The following NCOA1 variants were observed in gnomAD, a reference collection of about 807,000 sequenced individuals.
The protein encoded by NCOA1 is nuclear receptor coactivator 1, also known as Hin-2 protein.
Under a neutral mutation model 150.9 loss-of-function variants are expected in NCOA1, and 35 were observed. That is an observed-to-expected ratio of 0.23 (90% CI 0.18 to 0.31). NCOA1 has a LOEUF of 0.31. Among genes scored for constraint, NCOA1 ranks in the 10% least tolerant of loss-of-function variants. The probability of loss-of-function intolerance (pLI) is 1.00; values close to 1 mark genes in which losing one functional copy is unlikely to be tolerated. For missense variants in NCOA1, 1,491 were observed against 1,749.3 expected (o/e 0.85, Z 2.63); for synonymous variants, 590 against 630.0 (o/e 0.94, Z 0.95).
At chr2:24,607,584 G>A (rs890890492) in intron 3 of NCOA1, among the ~76,000 whole-genome samples, 3 of 151,664 alleles carry the variant, frequency 2.0e-5, no homozygotes, top group African/African-American at 4.8e-5. Context: ...CAGCTACTCC[G>A]GAGGCTGAGA....
intron 5 of NCOA1, among the ~76,000 whole-genome samples, chr2:24,662,826 T>C (rs1451446840): frequency 1.3e-5 from 2 of 151,968 alleles, no homozygotes; most frequent in East Asian, 1.9e-4. Flanking sequence ...CTCATTCTAT[T>C]GCCCAGGCTG....
chr2:24,642,247 T>G (rs1670264505), intron 3 of NCOA1, among the ~76,000 whole-genome samples: 1 of 151,580 alleles, frequency 6.6e-6, no homozygotes, highest in Non-Finnish European at 1.5e-5. Flanking sequence ...CTCTTGAATT[T>G]CCATTTATTT....
chr2:24,562,523 C>G (rs1666329809), intron 1 of NCOA1, among the ~76,000 whole-genome samples: 1 of 152,092 alleles, frequency 6.6e-6, no homozygotes, highest in South Asian at 2.1e-4. Flanking sequence ...CCATTCCACC[C>G]CTAGTAGGGC....
intron 1 of NCOA1, among the ~76,000 whole-genome samples, chr2:24,516,913 T>C (rs1237489796): frequency 1.3e-5 from 1 of 75,928 alleles, no homozygotes; most frequent in Non-Finnish European, 3.3e-5. Flanking sequence ...TATATGTGCA[T>C]GTGTGTGTGC....
At chr2:24,756,770 T>C (rs2148688670) in intron 20 of NCOA1, among the ~76,000 whole-genome samples, 1 of 152,282 alleles carries the variant, frequency 6.6e-6, no homozygotes, top group Admixed American at 6.5e-5. Flanking sequence ...ATTTTCAGGG[T>C]TCAAATACAA....
chr2:24,635,152 G>A (rs1210546276), intron 3 of NCOA1, among the ~76,000 whole-genome samples: 2 of 151,934 alleles, frequency 1.3e-5, no homozygotes, highest in African/African-American at 2.4e-5. Flanking sequence ...CAGATGATCT[G>A]CATCATTCTT....
At chr2:24,618,959 C>CA (rs1668997733) in intron 3 of NCOA1, among the ~76,000 whole-genome samples, 2 of 152,106 alleles carry the variant, frequency 1.3e-5, no homozygotes, top group South Asian at 4.1e-4. Flanking sequence ...AAAGAGGAGA[C>CA]AATTTATACT....
chr2:24,765,781 A>G (rs938371585), intron 22 of NCOA1, among the ~76,000 whole-genome samples: 2 of 152,188 alleles, frequency 1.3e-5, no homozygotes, highest in African/African-American at 4.8e-5. Flanking sequence ...AGAAGTTGTG[A>G]CAATATAAGA....
chr2:24,752,195 T>C (rs776890559), intron 20 of NCOA1, 39 bp downstream of exon 20: 4 of 1,594,202 alleles, frequency 2.5e-6, no homozygotes, highest in Middle Eastern at 1.7e-4. Context: ...TCCTTGATAC[T>C]GTGATAAATC....
intron 22 of NCOA1, among the ~76,000 whole-genome samples, chr2:24,765,467 C>A (rs1042926629): frequency 6.6e-6 from 1 of 151,392 alleles, no homozygotes; most frequent in Non-Finnish European, 1.5e-5. Context: ...CCACTGCACT[C>A]CAGCCTGGGC....
At chr2:24,579,249 AG>A (rs958908696) in intron 2 of NCOA1, among the ~76,000 whole-genome samples, 2 of 152,148 alleles carry the variant, frequency 1.3e-5, no homozygotes, top group Non-Finnish European at 2.9e-5. Context: ...AGGAGGTGGG[AG>A]TGCTACTCCA....
rs553135044 is a variant in NCOA1 at position 24,505,651 on chromosome 2, C to G, written c.-396+14049C>G. 2.6e-5 allele frequency among the ~76,000 whole-genome samples: 4 copies of G among 152,184 alleles called. No individual in the cohort carries two copies. The East Asian group carries it at 7.7e-4, about 29-fold the overall frequency. On this transcript the variant is annotated intron_variant, in intron 1 of 22. Coordinates refer to ENST00000348332, the MANE Select transcript of NCOA1 (RefSeq NM_003743.5). ...GCTGTGTAGTAAACACCCCTCCCCC[C>G]ATTCTTTTTAATTTTTTTAGGTCAT...
At chr2:24,625,044 A>G (rs190588439) in intron 3 of NCOA1, among the ~76,000 whole-genome samples, 328 of 152,334 alleles carry the variant, frequency 2.2e-3, no homozygotes, top group African/African-American at 7.6e-3. Context: ...TTGTTTATGG[A>G]CAGTGAAATT....
intron 3 of NCOA1, among the ~76,000 whole-genome samples, chr2:24,638,353 A>G (rs568743207): frequency 2.6e-5 from 4 of 152,036 alleles, no homozygotes; most frequent in South Asian, 4.2e-4. Context: ...TTGTGTATCT[A>G]TGCCACATTT....
rs568952899 is a variant in NCOA1, at chr2:24,512,852, G to A, written c.-396+21250G>A. ...GACTCATCTCTGACTGCTTGGCTGC[G>A]TAACCTTAGCCAAAACACCGTTTCT... On this transcript the variant is annotated intron_variant, in intron 1 of 22. Coordinates refer to ENST00000348332, the MANE Select transcript of NCOA1 (RefSeq NM_003743.5). Among the ~76,000 whole-genome samples the A allele has an allele frequency of 3.3e-5, 5 of 152,116 alleles. No homozygotes were observed. In the East Asian group the frequency reaches 5.8e-4, roughly 18 times the overall value.
intron 14 of NCOA1, among the ~76,000 whole-genome samples, chr2:24,716,251 TAAA>T (rs70947839): frequency 1.4e-5 from 2 of 141,766 alleles, no homozygotes; most frequent in Non-Finnish European, 1.5e-5. Context: ...AAAAACCACT[TAAA>T]AAAAAAAAAA....
chr2:24,597,456 C>T (rs1667929499), intron 3 of NCOA1, among the ~76,000 whole-genome samples: 1 of 151,920 alleles, frequency 6.6e-6, no homozygotes, highest in Non-Finnish European at 1.5e-5. Flanking sequence ...CAATGGTTAT[C>T]TGGAAAACCA....
At chr2:24,677,005 A>C (rs559368663) in intron 7 of NCOA1, among the ~76,000 whole-genome samples, 1 of 152,324 alleles carries the variant, frequency 6.6e-6, no homozygotes, top group South Asian at 2.1e-4. Context: ...TATCCCTGAC[A>C]AACAGGGAGA....
At position 24,745,610 on chromosome 2, in the gene NCOA1, C is replaced by T. The variant is rs138760232; in HGVS notation, c.3706+3424C>T. Among the ~76,000 whole-genome samples, 607 of 152,272 alleles carry T rather than the reference C, an allele frequency of 4.0e-3. 7 individuals are homozygous for T. The highest frequency in any genetic ancestry group is 0.013 in the African/African-American group (549 of 41,556). On this transcript the variant is annotated intron_variant, in intron 19 of 22. Coordinates refer to ENST00000348332, the MANE Select transcript of NCOA1 (RefSeq NM_003743.5). Reference sequence around the variant, plus strand: ...TAAAATCCTCTTCCACCTATTCCTCCTCAGTGATCTCTTCTCCTTTTGGGG... The same window carrying T: ...TAAAATCCTCTTCCACCTATTCCTCTTCAGTGATCTCTTCTCCTTTTGGGG...
Sources: gnomAD v4.1 joint callset for allele counts (sites outside exome capture counted in the v4.1 genomes callset) on GRCh38, gnomAD v4.1.1 for gene constraint, MANE v1.5 for transcripts, NCBI Gene and HGNC (gene_info 2026-07-23, HGNC 2026-07-21) for gene names.